The following METTL15 variants were observed in gnomAD, a reference collection of about 807,000 sequenced individuals.
The protein encoded by METTL15 is 12S rRNA N(4)-cytidine methyltransferase METTL15.
Under a neutral mutation model 38.3 loss-of-function variants are expected in METTL15, and 34 were observed. That is an observed-to-expected ratio of 0.89 (90% CI 0.68 to 1.18). The LOEUF (loss-of-function observed/expected upper bound fraction) is 1.18, where lower values mean the gene tolerates loss of function less well. Among genes scored for constraint, METTL15 ranks in the 50% most tolerant of loss-of-function variants. The probability of loss-of-function intolerance (pLI) is 0.00; values close to 1 mark genes in which losing one functional copy is unlikely to be tolerated. For synonymous variants in METTL15, 162 were observed against 170.9 expected, an observed-to-expected ratio of 0.95 and a Z score of 0.41; for missense variants, 438 against 498.4, an observed-to-expected ratio of 0.88 and a Z score of 1.15.
At chr11:28,461,236 A>G (rs10835342) in intron 6 of METTL15, among the ~76,000 whole-genome samples, 64,210 of 151,888 alleles carry the variant, frequency 0.42, 14,968 homozygotes, top group Admixed American at 0.54. Flanking sequence ...TTTCTTCCCT[A>G]ATTAAAGTTA....
chr11:28,338,877 A>T (rs919635484), intron 3 of METTL15, among the ~76,000 whole-genome samples: 1 of 152,122 alleles, frequency 6.6e-6, no homozygotes, highest in Non-Finnish European at 1.5e-5. Flanking sequence ...TTTGTAAGAA[A>T]TCTAGGTGAA....
At position 28,317,513 on chromosome 11, in the gene METTL15, T is replaced by A. The variant is rs911619712; in HGVS notation, c.779-12883T>A. ...TCAGGGGGAATTGCAGTGCATCACG[T>A]TGACAGCCACAGCACGATGCTAATT... On this transcript the variant is annotated intron_variant, in intron 6 of 6. Transcript: ENST00000407364. Among the ~76,000 whole-genome samples the A allele has an allele frequency of 3.3e-5, 5 of 152,210 alleles. No individual in the cohort carries two copies. The South Asian group carries it at 6.2e-4, about 19-fold the overall frequency.
At chr11:28,433,984 G>A (rs1347516840) in intron 6 of METTL15, among the ~76,000 whole-genome samples, 2 of 152,174 alleles carry the variant, frequency 1.3e-5, no homozygotes, top group Non-Finnish European at 2.9e-5. Flanking sequence ...GCATCGTTCT[G>A]CATTTAAGAG....
At chr11:28,120,911 T>C (rs1166404670) in intron 3 of METTL15, among the ~76,000 whole-genome samples, 1 of 152,174 alleles carries the variant, frequency 6.6e-6, no homozygotes, top group African/African-American at 2.4e-5. Context: ...ACATAGCAGG[T>C]GTATGTATTT....
At chr11:28,214,938 C>G (rs952594258) in intron 4 of METTL15, among the ~76,000 whole-genome samples, 1 of 152,030 alleles carries the variant, frequency 6.6e-6, no homozygotes, top group Non-Finnish European at 1.5e-5. Context: ...CAGCTGATAC[C>G]CCTATAACAA....
chr11:28,365,431 G>A (rs1166360401), intron 5 of METTL15, among the ~76,000 whole-genome samples: 2 of 152,086 alleles, frequency 1.3e-5, no homozygotes, highest in African/African-American at 4.8e-5. Context: ...ATGTATGCAT[G>A]TCCTCTAGAT....
chr11:28,393,679 A>C (rs1363938226), intron 5 of METTL15, among the ~76,000 whole-genome samples: 1 of 152,088 alleles, frequency 6.6e-6, no homozygotes, highest in African/African-American at 2.4e-5. Context: ...ATCAGAGACC[A>C]AGGCAGAAGC....
intron 5 of METTL15, among the ~76,000 whole-genome samples, chr11:28,292,845 C>T (rs543889669): frequency 3.9e-5 from 6 of 152,308 alleles, no homozygotes; most frequent in African/African-American, 1.4e-4. Context: ...CTTTTGGCTG[C>T]ATAACTGTCT....
intron 6 of METTL15, among the ~76,000 whole-genome samples, chr11:28,500,146 G>A (rs563819658): frequency 1.3e-5 from 2 of 152,170 alleles, no homozygotes; most frequent in South Asian, 4.2e-4. Context: ...GCTGTGAACG[G>A]ATACACACAA....
chr11:28,241,038 A>G (rs1374030589), intron 4 of METTL15, among the ~76,000 whole-genome samples: 1 of 152,174 alleles, frequency 6.6e-6, no homozygotes, highest in South Asian at 2.1e-4. Context: ...ATTCTAGGAA[A>G]AAGGTCATTT....
intron 3 of METTL15, among the ~76,000 whole-genome samples, chr11:28,131,251 G>C (rs1423815825): frequency 6.6e-6 from 1 of 152,174 alleles, no homozygotes; most frequent in Non-Finnish European, 1.5e-5. Flanking sequence ...TGGCAACAGA[G>C]TTTCAAGTAC....
intron 5 of METTL15, among the ~76,000 whole-genome samples, chr11:28,406,408 A>G (rs9971431): frequency 0.019 from 2,882 of 152,068 alleles, 58 homozygotes; most frequent in African/African-American, 0.054. Flanking sequence ...GAATGCTTGT[A>G]ATTTTTGCCA....
intron 6 of METTL15, among the ~76,000 whole-genome samples, chr11:28,455,897 G>A (rs1025845322): frequency 6.6e-6 from 1 of 151,956 alleles, no homozygotes; most frequent in South Asian, 2.1e-4. Flanking sequence ...TAGTAGAGAT[G>A]GGGTTTCACT....
At chr11:28,234,060 T>G (rs1853816248) in intron 4 of METTL15, among the ~76,000 whole-genome samples, 1 of 151,562 alleles carries the variant, frequency 6.6e-6, no homozygotes, top group Admixed American at 6.6e-5. Flanking sequence ...TGGTGTTTGG[T>G]TTTTTGTCCT....
chr11:28,295,385 A>G (rs913766058), intron 5 of METTL15, among the ~76,000 whole-genome samples: 3 of 152,122 alleles, frequency 2.0e-5, no homozygotes, highest in African/African-American at 7.2e-5. Flanking sequence ...GAAAGCTGAA[A>G]GAGGTGCTGG....
At chr11:28,292,458 T>C (rs1481385286) in intron 5 of METTL15, among the ~76,000 whole-genome samples, 1 of 152,116 alleles carries the variant, frequency 6.6e-6, no homozygotes, top group Non-Finnish European at 1.5e-5. Context: ...CAGTCTATCA[T>C]TGTTGGACAT....
At chr11:28,249,316 A>G (rs1171704789) in intron 4 of METTL15, among the ~76,000 whole-genome samples, 1 of 152,008 alleles carries the variant, frequency 6.6e-6, no homozygotes, top group Non-Finnish European at 1.5e-5. Context: ...TACATGTTAC[A>G]CATAGTACAC....
chr11:28,398,424 A>G (rs1257774016), intron 5 of METTL15, among the ~76,000 whole-genome samples: 4 of 152,064 alleles, frequency 2.6e-5, no homozygotes, highest in Non-Finnish European at 5.9e-5. Flanking sequence ...TTCTCTAATG[A>G]CCAGTGATGA....
In METTL15 at chr11:28,475,110, G is replaced by C. The variant is rs536137151; in HGVS notation, c.*424+50746G>C. Among the ~76,000 whole-genome samples the C allele has an allele frequency of 2.0e-5, 3 of 152,268 alleles. No homozygotes were observed. The South Asian group carries it at 6.2e-4, about 32-fold the overall frequency. ...AGCAGTTGTACTCACCTGGGCAAGA[G>C]TTGATTTGAACAAAGGCTCTGGAAG... On this transcript the variant is annotated intron_variant and NMD_transcript_variant, in intron 6 of 7. Transcript: ENST00000532947.
Sources: gnomAD v4.1 joint callset for allele counts (sites outside exome capture counted in the v4.1 genomes callset) on GRCh38, gnomAD v4.1.1 for gene constraint, MANE v1.5 for transcripts, NCBI Gene and HGNC (gene_info 2026-07-23, HGNC 2026-07-21) for gene names.